CEP120: variants seen among roughly 807,000 people sequenced by gnomAD.
CEP120 encodes centrosomal protein 120.
In CEP120, 113 loss-of-function variants were observed where a neutral mutation model predicts 126.5. The observed-to-expected ratio is 0.89, with a 90% CI of 0.77 to 1.04. The LOEUF (loss-of-function observed/expected upper bound fraction) is 1.04, where lower values mean the gene tolerates loss of function less well. Ranked by LOEUF, CEP120 falls within the 50% of genes least tolerant of loss-of-function variation. The probability of loss-of-function intolerance (pLI) is 0.00; values close to 1 mark genes in which losing one functional copy is unlikely to be tolerated. For missense variants in CEP120, 1,230 were observed against 1,155.7 expected (o/e 1.06, Z -0.93); for synonymous variants, 400 against 394.3 (o/e 1.01, Z -0.17).
rs368962962 is a variant in CEP120, at chr5:123,388,444, T to C, written c.1418A>G (p.Asn473Ser). ...IHALEIGFPI[N>S]CILRYSYPFF... ...AATCAAATCACACCTTAATATACAG[T>C]TGATTGGAAAACCAATCTCCAAGGC... Residue 473 changes from asparagine (N) to serine (S), a missense_variant, in exon 9 of 20, where the codon AAC becomes AGC. By Grantham distance (46) the Asn-to-Ser change is conservative. Coordinates refer to ENST00000306467, the MANE Select transcript of CEP120 (RefSeq NM_001375405.1). The C allele has an allele frequency of 6.4e-7, 1 of 1,551,292 alleles. No individual in the cohort carries two copies.
At chr5:123,394,403 G>T (rs1772621846) in intron 5 of CEP120, among the ~76,000 whole-genome samples, 1 of 152,174 alleles carries the variant, frequency 6.6e-6, no homozygotes, top group African/African-American at 2.4e-5. Flanking sequence ...ACGCAACCTA[G>T]ATCCCTTACA....
intron 18 of CEP120, chr5:123,358,105 A>G (rs1769777819): frequency 6.6e-6 from 1 of 152,158 alleles, no homozygotes; most frequent in Admixed American, 6.6e-5. Context: ...TGCAATATTT[A>G]TAGAGAATGA....
chr5:123,419,540 A>C (rs1424921966), intron 1 of CEP120, among the ~76,000 whole-genome samples: 2 of 119,076 alleles, frequency 1.7e-5, no homozygotes, highest in African/African-American at 6.4e-5. Context: ...TCAAAAAAAA[A>C]CAAAAACAAA....
chr5:123,385,416 A>G (rs1771953283), intron 10 of CEP120, among the ~76,000 whole-genome samples: 1 of 152,148 alleles, frequency 6.6e-6, no homozygotes. Flanking sequence ...CCTTTGTCCA[A>G]CTGCCTACAG....
At chr5:123,348,956 C>T (rs1399392304) in intron 19 of CEP120, among the ~76,000 whole-genome samples, 1 of 152,120 alleles carries the variant, frequency 6.6e-6, no homozygotes, top group Non-Finnish European at 1.5e-5. Flanking sequence ...TTAATCTACC[C>T]AGTCTGTGGT....
At chr5:123,372,506 T>A in intron 17 of CEP120, 144 bp downstream of exon 17, 1 of 793,276 alleles carries the variant, frequency 1.3e-6, no homozygotes, top group South Asian at 1.7e-5. Context: ...ACTAATAATG[T>A]CACGTGCCTT....
intron 18 of CEP120, chr5:123,358,144 C>A (rs1580638230): frequency 6.6e-6 from 1 of 151,948 alleles, no homozygotes; most frequent in African/African-American, 2.4e-5. Flanking sequence ...TCAAAACATA[C>A]AAAACTAAGC....
intron 18 of CEP120, among the ~76,000 whole-genome samples, chr5:123,353,210 C>T (rs937558076): frequency 6.6e-6 from 1 of 151,792 alleles, no homozygotes; most frequent in East Asian, 1.9e-4. Flanking sequence ...AAGAAAGTTC[C>T]ATTATTTTAA....
intron 18 of CEP120, among the ~76,000 whole-genome samples, chr5:123,362,303 G>A (rs1297963488): frequency 1.3e-5 from 2 of 151,690 alleles, no homozygotes; most frequent in Non-Finnish European, 3.0e-5. Flanking sequence ...ACTCTCGTCA[G>A]AGTGGCTAAT....
chr5:123,378,464 C>T, intron 14 of CEP120, 36 bp from the exon 15 acceptor site: 1 of 1,099,608 alleles, frequency 9.1e-7, no homozygotes, highest in Non-Finnish European at 1.3e-6. Context: ...AAAAAGTTAC[C>T]TACCTTCTCC....
intron 2 of CEP120, among the ~76,000 whole-genome samples, chr5:123,416,936 G>T (rs57113607): frequency 0.065 from 9,866 of 152,218 alleles, 387 homozygotes; most frequent in South Asian, 0.11. Flanking sequence ...TGTTCTGAAA[G>T]AATGATATTG....
chr5:123,413,950 T>C (rs1774231174), intron 3 of CEP120, among the ~76,000 whole-genome samples: 2 of 152,314 alleles, frequency 1.3e-5, no homozygotes, highest in Admixed American at 1.3e-4. Flanking sequence ...TTACAGAGAA[T>C]CAATTTATTT....
intron 18 of CEP120, among the ~76,000 whole-genome samples, chr5:123,357,693 G>A (rs1478393040): frequency 1.3e-5 from 2 of 152,106 alleles, no homozygotes; most frequent in Admixed American, 1.3e-4. Flanking sequence ...AGGAGGTCGA[G>A]GCTGCAGTGA....
chr5:123,389,975 T>G lies in CEP120; in HGVS notation c.1204A>C (p.Ser402Arg). The change falls in exon 8 of 20, where the codon AGT becomes CGT. Residue 402 changes from serine (S) to arginine (R), a missense_variant. Transcript: ENST00000306467. ...SPPTKDDATESEVESLQYDKD... is the reference protein window; with the variant it reads ...SPPTKDDATEREVESLQYDKD... ...TCATACTGTAAACTTTCCACTTCACTTTCTGTTGCATCATCTTTTGTTGGA... is the reference window on the plus strand; with the variant it reads ...TCATACTGTAAACTTTCCACTTCACGTTCTGTTGCATCATCTTTTGTTGGA... 2 of 1,614,208 alleles carry G rather than the reference T, an allele frequency of 1.2e-6. No individual in the cohort carries two copies. The highest frequency in any genetic ancestry group is 1.7e-6 in the Non-Finnish European group (2 of 1,180,034).
intron 18 of CEP120, chr5:123,358,481 G>C (rs747061149): frequency 4.6e-5 from 7 of 152,052 alleles, no homozygotes; most frequent in African/African-American, 1.7e-4. Context: ...GATCTGTAGT[G>C]TCTATGTTAT....
chr5:123,385,122 A>G lies in CEP120; in HGVS notation c.1592T>C (p.Leu531Pro), dbSNP rs141456953. ...TTTATCCTTGTGCCATAGTTCAACC[A>G]GTAATGGAATCCTAAGGAAGAGAGA... ...LQDTFLRIPLLVELWHKDKMS... is the reference protein window; with the variant it reads ...LQDTFLRIPLPVELWHKDKMS... The change falls in exon 11 of 20, where the codon CTG becomes CCG. Residue 531 changes from leucine (L) to proline (P), a missense_variant. Physicochemically the swap from Leu to Pro is moderately conservative, Grantham distance 98 (BLOSUM62 -3). Transcript: ENST00000306467. The G allele has an allele frequency of 3.1e-6, 5 of 1,611,822 alleles. No individual in the cohort carries two copies. The highest frequency in any genetic ancestry group is 4.2e-6 in the Non-Finnish European group (5 of 1,179,094).
chr5:123,401,782 C>A, intron 4 of CEP120: 1 of 1,258,302 alleles, frequency 7.9e-7, no homozygotes. Context: ...TTCTCCATCT[C>A]TGCACGCTTA....
intron 11 of CEP120, 58 bp downstream of exon 11, chr5:123,384,893 C>G: frequency 6.9e-7 from 1 of 1,449,814 alleles, no homozygotes; most frequent in Non-Finnish European, 9.3e-7. Flanking sequence ...GCTGACTAAT[C>G]AAAATCATTC....
chr5:123,378,695 C>T (rs1562033516), intron 14 of CEP120, among the ~76,000 whole-genome samples: 1 of 152,050 alleles, frequency 6.6e-6, no homozygotes, highest in Non-Finnish European at 1.5e-5. Context: ...ATTTCCACAT[C>T]CTCTAGTATG....
Sources: gnomAD v4.1 joint callset for allele counts (sites outside exome capture counted in the v4.1 genomes callset) on GRCh38, gnomAD v4.1.1 for gene constraint, MANE v1.5 for transcripts, NCBI Gene and HGNC (gene_info 2026-07-23, HGNC 2026-07-21) for gene names.